ANO6: variants seen among roughly 807,000 people sequenced by gnomAD.
ANO6 encodes the protein anoctamin-6.
In ANO6, 106 loss-of-function variants were observed where a neutral mutation model predicts 117.5. The ratio of observed to expected loss-of-function variants is 0.90; its 90% CI spans 0.77 to 1.06. The LOEUF (loss-of-function observed/expected upper bound fraction) is 1.06. Among genes scored for constraint, ANO6 ranks in the 50% least tolerant of loss-of-function variants. The pLI is 0.00. For missense variants in ANO6, 955 were observed against 1,121.1 expected (o/e 0.85, Z 2.12); for synonymous variants, 367 against 385.1 (o/e 0.95, Z 0.55).
intron 19 of ANO6, among the ~76,000 whole-genome samples, chr12:45,438,613 G>A (rs1420230504): frequency 2.6e-5 from 4 of 152,232 alleles, no homozygotes; most frequent in African/African-American, 9.6e-5. Flanking sequence ...TTTGTGTTTA[G>A]ACCTGGGCCC....
chr12:45,278,762 G>T (rs1041199953), intron 1 of ANO6, among the ~76,000 whole-genome samples: 1 of 152,168 alleles, frequency 6.6e-6, no homozygotes, highest in Admixed American at 6.5e-5. Flanking sequence ...GGGAAGTCTT[G>T]TCCCTTCTAA....
At chr12:45,432,880 T>C (rs1218415046), downstream of ANO6, among the ~76,000 whole-genome samples, 2 of 152,140 alleles carry the variant, frequency 1.3e-5, no homozygotes, top group Non-Finnish European at 2.9e-5. Context: ...AAATGGACAA[T>C]GGCCAGATCA....
chr12:45,403,962 CTA>C (rs139583905), intron 15 of ANO6, among the ~76,000 whole-genome samples: 3 of 150,596 alleles, frequency 2.0e-5, no homozygotes, highest in Admixed American at 6.6e-5. Flanking sequence ...ATATTAAGTG[CTA>C]TATATATATA....
chr12:45,373,715 T>C lies in ANO6; in HGVS notation c.1105-4338T>C, dbSNP rs573308449. On this transcript the variant is annotated intron_variant, in intron 9 of 19. Transcript: ENST00000320560. The stretch of plus-strand genomic sequence containing the variant: ...TCTCTGGGACACATTCAAAGCAGTG[T>C]ATAGAGGGAAATTTATAGCACTAAA... 2.3e-4 allele frequency among the ~76,000 whole-genome samples: 35 copies of C among 152,206 alleles called. No homozygotes were observed. The South Asian group carries it at 7.3e-3, about 32-fold the overall frequency.
intron 12 of ANO6, among the ~76,000 whole-genome samples, chr12:45,397,584 C>T (rs1361552158): frequency 2.0e-5 from 3 of 152,110 alleles, no homozygotes; most frequent in African/African-American, 4.8e-5. Context: ...TGGAACCAAC[C>T]CAAATGTCCA....
intron 1 of ANO6, among the ~76,000 whole-genome samples, chr12:45,276,328 G>C (rs986541658): frequency 2.6e-5 from 4 of 152,126 alleles, no homozygotes; most frequent in Admixed American, 2.6e-4. Context: ...AGTATGCTCT[G>C]TGATGGTGTG....
intron 1 of ANO6, among the ~76,000 whole-genome samples, chr12:45,255,852 G>T (rs1240690676): frequency 4.5e-5 from 5 of 110,654 alleles, no homozygotes; most frequent in African/African-American, 1.6e-4. Context: ...ACTGAATCTC[G>T]CCCATTCGCA....
intron 11 of ANO6, among the ~76,000 whole-genome samples, chr12:45,390,081 C>T (rs951959393): frequency 1.3e-5 from 2 of 152,186 alleles, no homozygotes; most frequent in South Asian, 4.1e-4. Context: ...CTGTGCTCTG[C>T]GCTATCATCA....
At chr12:45,232,267 C>T (rs1947584255) in intron 1 of ANO6, among the ~76,000 whole-genome samples, 1 of 152,174 alleles carries the variant, frequency 6.6e-6, no homozygotes, top group African/African-American at 2.4e-5. Flanking sequence ...ATCTGTTCAG[C>T]ACCTTCTGTA....
At chr12:45,383,862 A>G (rs1012173915) in intron 10 of ANO6, among the ~76,000 whole-genome samples, 2 of 152,200 alleles carry the variant, frequency 1.3e-5, no homozygotes, top group South Asian at 2.1e-4. Flanking sequence ...GTTGGCTTCA[A>G]CATGAAGTCA....
At chr12:45,339,745 A>G (rs1940927276) in intron 3 of ANO6, among the ~76,000 whole-genome samples, 1 of 152,140 alleles carries the variant, frequency 6.6e-6, no homozygotes. Flanking sequence ...TAAATAGCAC[A>G]GTAATTAGAC....
At chr12:45,408,123 T>C (rs1286432622) in intron 15 of ANO6, among the ~76,000 whole-genome samples, 1 of 152,210 alleles carries the variant, frequency 6.6e-6, no homozygotes. Context: ...TGGCTGGGTG[T>C]GCACGTGTGC....
intron 2 of ANO6, among the ~76,000 whole-genome samples, chr12:45,321,237 T>A (rs1278734983): frequency 6.6e-6 from 1 of 152,202 alleles, no homozygotes; most frequent in Non-Finnish European, 1.5e-5. Flanking sequence ...ATTGTGGATG[T>A]TCTTCTTGGA....
rs150503636 is a variant in ANO6 at position 45,390,178 on chromosome 12, G to A, written c.1309-243G>A. 1.0e-3 allele frequency among the ~76,000 whole-genome samples: 155 copies of A among 152,280 alleles called. 1 individual carries two copies. In the East Asian group the frequency reaches 0.017, roughly 16 times the overall value. ...ACACCCAGATTCCTGAGCTCGGGTC[G>A]TGGCCGATAAACAGTTTATTCATGC... On this transcript the variant is annotated intron_variant, in intron 11 of 19. Coordinates refer to ENST00000320560, the MANE Select transcript of ANO6 (RefSeq NM_001025356.3).
At chr12:45,319,515 T>G (rs1471370936) in intron 2 of ANO6, among the ~76,000 whole-genome samples, 1 of 152,230 alleles carries the variant, frequency 6.6e-6, no homozygotes, top group East Asian at 1.9e-4. Flanking sequence ...GGATTTGGTT[T>G]GCCAGTATTT....
intron 2 of ANO6, among the ~76,000 whole-genome samples, chr12:45,326,700 T>C (rs1346173005): frequency 6.6e-6 from 1 of 152,174 alleles, no homozygotes; most frequent in Non-Finnish European, 1.5e-5. Flanking sequence ...ATTTCCTATT[T>C]TGTTTTTCAT....
At chr12:45,258,193 T>C (rs1937902054) in intron 1 of ANO6, among the ~76,000 whole-genome samples, 1 of 152,230 alleles carries the variant, frequency 6.6e-6, no homozygotes, top group Admixed American at 6.5e-5. Context: ...TGTGAATTAC[T>C]AAGAATTATT....
chr12:45,347,200 C>A, intron 4 of ANO6, 113 bp downstream of exon 4: 2 of 985,550 alleles, frequency 2.0e-6, no homozygotes, highest in South Asian at 1.3e-5. Flanking sequence ...ACATCTTAGT[C>A]ATAGACTGGG....
At chr12:45,299,668 T>G (rs1565673374) in intron 1 of ANO6, among the ~76,000 whole-genome samples, 2 of 152,022 alleles carry the variant, frequency 1.3e-5, no homozygotes, top group East Asian at 3.9e-4. Flanking sequence ...CTGGCCAGTA[T>G]GGTGAAAACG....
Sources: gnomAD v4.1 joint callset for allele counts (sites outside exome capture counted in the v4.1 genomes callset) on GRCh38, gnomAD v4.1.1 for gene constraint, MANE v1.5 for transcripts, NCBI Gene and HGNC (gene_info 2026-07-23, HGNC 2026-07-21) for gene names.